The following CDH12 variants were observed in gnomAD, a reference collection of about 807,000 sequenced individuals.
CDH12 encodes cadherin-12.
A neutral mutation model predicts 74.1 loss-of-function variants in CDH12; 41 were observed. The observed-to-expected ratio is 0.55, with a 90% CI of 0.43 to 0.72. CDH12 has a LOEUF of 0.72. Among genes scored for constraint, CDH12 ranks in the 30% least tolerant of loss-of-function variants. The pLI, the probability that CDH12 is intolerant of heterozygous loss-of-function variation, is 0.00. For missense variants in CDH12, 945 were observed against 977.2 expected, an observed-to-expected ratio of 0.97 and a Z score of 0.44; for synonymous variants, 399 against 355.0, an observed-to-expected ratio of 1.12 and a Z score of -1.39.
chr5:21,763,266 C>A (rs1744827466), intron 12 of CDH12, among the ~76,000 whole-genome samples: 2 of 152,128 alleles, frequency 1.3e-5, no homozygotes, highest in Admixed American at 6.5e-5. Context: ...TGTCTGCAGT[C>A]ACCAAAATTA....
chr5:21,883,867 A>T (rs1752489568), intron 6 of CDH12: 1 of 1,607,180 alleles, frequency 6.2e-7, no homozygotes, highest in Admixed American at 1.7e-5. Context: ...GATGCCCTTA[A>T]TGCTACAAGA....
At chr5:22,380,203 T>C (rs1291673400) in intron 3 of CDH12, among the ~76,000 whole-genome samples, 1 of 152,206 alleles carries the variant, frequency 6.6e-6, no homozygotes, top group Non-Finnish European at 1.5e-5. Flanking sequence ...TTTGAGTTAA[T>C]AGACTTCAAA....
intron 5 of CDH12, among the ~76,000 whole-genome samples, chr5:22,026,227 C>T (rs1337811449): frequency 1.3e-5 from 2 of 152,104 alleles, no homozygotes; most frequent in East Asian, 1.9e-4. Context: ...TGGCTAAAAG[C>T]AACACAAATG....
chr5:22,478,469 A>T (rs1746262653), intron 2 of CDH12, among the ~76,000 whole-genome samples: 1 of 151,938 alleles, frequency 6.6e-6, no homozygotes, highest in Non-Finnish European at 1.5e-5. Context: ...ATTTTTAAAG[A>T]AAAGAATGTA....
intron 2 of CDH12, among the ~76,000 whole-genome samples, chr5:22,448,993 AAAC>A (rs1744939733): frequency 6.6e-6 from 1 of 152,042 alleles, no homozygotes. Context: ...AAAAAGCACA[AAAC>A]AAAAAGCAAA....
intron 5 of CDH12, among the ~76,000 whole-genome samples, chr5:22,012,682 T>C (rs1334181564): frequency 2.7e-5 from 4 of 150,848 alleles, no homozygotes; most frequent in Non-Finnish European, 4.4e-5. Context: ...CATTCAAAAA[T>C]AGAGAATTTG....
At chr5:22,159,439 G>T (rs748189396) in intron 4 of CDH12, among the ~76,000 whole-genome samples, 11 of 152,026 alleles carry the variant, frequency 7.2e-5, no homozygotes, top group Non-Finnish European at 1.5e-4. Context: ...GTGGCAGCAT[G>T]TTTTTCTGCC....
At chr5:22,356,062 A>G (rs1342142393) in intron 3 of CDH12, among the ~76,000 whole-genome samples, 2 of 152,210 alleles carry the variant, frequency 1.3e-5, no homozygotes, top group Non-Finnish European at 2.9e-5. Flanking sequence ...CAGTTAGAGC[A>G]GTCAGACGAA....
chr5:22,075,221 AAC>A (rs1742224966), intron 5 of CDH12, among the ~76,000 whole-genome samples: 1 of 150,118 alleles, frequency 6.7e-6, no homozygotes, highest in African/African-American at 2.5e-5. Flanking sequence ...CAAAAAACCA[AAC>A]ACCACATGTT....
At chr5:21,830,017 G>T (rs1004274487) in intron 8 of CDH12, among the ~76,000 whole-genome samples, 1 of 151,484 alleles carries the variant, frequency 6.6e-6, no homozygotes, top group African/African-American at 2.4e-5. Context: ...TGGCCAACAT[G>T]GTGAAACCCC....
intron 4 of CDH12, among the ~76,000 whole-genome samples, chr5:22,205,494 A>T (rs1751170382): frequency 2.0e-5 from 3 of 152,276 alleles, no homozygotes; most frequent in African/African-American, 7.2e-5. Flanking sequence ...TGGTAATATA[A>T]ATTATCCAAA....
At chr5:22,637,589 C>G (rs1366311022) in intron 1 of CDH12, among the ~76,000 whole-genome samples, 1 of 152,198 alleles carries the variant, frequency 6.6e-6, no homozygotes, top group Non-Finnish European at 1.5e-5. Flanking sequence ...AGCAAAATGG[C>G]GCAGATTGCG....
intron 1 of CDH12, among the ~76,000 whole-genome samples, chr5:22,733,796 A>G (rs1371357385): frequency 6.6e-6 from 1 of 151,960 alleles, no homozygotes; most frequent in Non-Finnish European, 1.5e-5. Context: ...TTAGATTGGT[A>G]GAAGAAACTG....
intron 6 of CDH12, among the ~76,000 whole-genome samples, chr5:21,944,078 G>C (rs1225128132): frequency 2.0e-5 from 3 of 152,148 alleles, no homozygotes; most frequent in African/African-American, 7.2e-5. Context: ...AGATTGTAGA[G>C]ACATTTAAAG....
At chr5:22,059,592 T>G (rs969540016) in intron 5 of CDH12, among the ~76,000 whole-genome samples, 1 of 152,228 alleles carries the variant, frequency 6.6e-6, no homozygotes, top group Admixed American at 6.6e-5. Flanking sequence ...CTTTAGTATA[T>G]CATTGGAAAA....
At chr5:22,362,588 C>G (rs1580565720) in intron 3 of CDH12, among the ~76,000 whole-genome samples, 2 of 151,940 alleles carry the variant, frequency 1.3e-5, no homozygotes, top group Non-Finnish European at 2.9e-5. Flanking sequence ...TGAGTATATA[C>G]CCAAAGGATT....
At chr5:21,809,006 A>G (rs1162033036) in intron 9 of CDH12, among the ~76,000 whole-genome samples, 1 of 152,096 alleles carries the variant, frequency 6.6e-6, no homozygotes, top group East Asian at 1.9e-4. Context: ...TTACTAGGCA[A>G]AAAGTGTTTG....
At chr5:21,929,980 G>T (rs565063689) in intron 6 of CDH12, among the ~76,000 whole-genome samples, 1 of 152,290 alleles carries the variant, frequency 6.6e-6, no homozygotes, top group East Asian at 1.9e-4. Flanking sequence ...TTGAGTATCA[G>T]ATGGTTTTCT....
At chr5:22,115,335 T>G (rs1274160983) in intron 4 of CDH12, among the ~76,000 whole-genome samples, 3 of 152,210 alleles carry the variant, frequency 2.0e-5, no homozygotes, top group African/African-American at 7.2e-5. Context: ...AATTTATTCT[T>G]AATGTTTTCA....
Sources: allele counts gnomAD v4.1 joint callset (sites outside exome capture counted in the v4.1 genomes callset), GRCh38; gene constraint gnomAD v4.1.1; transcripts MANE v1.5; gene names NCBI Gene and HGNC (gene_info 2026-07-23, HGNC 2026-07-21).